ZNF385B: variants seen among roughly 807,000 people sequenced by gnomAD.
ZNF385B encodes zinc finger protein 533.
In ZNF385B, 23 loss-of-function variants were observed where a neutral mutation model predicts 39.2. The observed-to-expected ratio is 0.59, with a 90% CI of 0.42 to 0.83. The LOEUF is 0.83. Among genes scored for constraint, ZNF385B ranks in the 40% least tolerant of loss-of-function variants. ZNF385B has a pLI of 0.00. For missense variants in ZNF385B, 552 were observed against 598.9 expected (o/e 0.92, Z 0.82); for synonymous variants, 205 against 222.6 (o/e 0.92, Z 0.70).
At chr2:179,719,129 G>C (rs1328567234) in intron 3 of ZNF385B, among the ~76,000 whole-genome samples, 1 of 151,974 alleles carries the variant, frequency 6.6e-6, no homozygotes, top group African/African-American at 2.4e-5. Context: ...TGTTGCCCAT[G>C]GACAACCTAG....
In ZNF385B at chr2:179,592,169, C is replaced by T. The variant is rs901106073; in HGVS notation, c.299-47200G>A. Among the ~76,000 whole-genome samples the T allele has an allele frequency of 2.6e-5, 4 of 152,168 alleles. No individual in the cohort carries two copies. The East Asian group carries it at 7.7e-4, about 29-fold the overall frequency. On this transcript the variant is annotated intron_variant, in intron 3 of 9. Coordinates refer to ENST00000410066, the MANE Select transcript of ZNF385B (RefSeq NM_152520.6). ...CAGATTCTCTTTCCCTGCTCTTCTA[C>T]CCCTTTACACTGTCTTCCAGAAAAC...
In ZNF385B at chr2:179,537,758, CA is replaced by C. The variant is rs775747223; in HGVS notation, c.441+7068del. Among the ~76,000 whole-genome samples the C allele has an allele frequency of 1.9e-4, 19 of 99,794 alleles. 1 individual carries two copies. Among genetic ancestry groups the C allele is most frequent in the Admixed American group, 3.6e-4 (4 of 11,108 alleles). The allele number at this position is 99,794 out of a possible 152,430, so 65.5% of individuals were successfully genotyped here. A position where few individuals can be genotyped will look rare whatever the true frequency, so the allele number is the denominator to read the frequency against. ...TCTGTCTCAAAAACAAACAAACAAACAAACAAACAAAAAAAAAAATTAATAG... is the reference window on the plus strand; with the variant it reads ...TCTGTCTCAAAAACAAACAAACAAACAACAAACAAAAAAAAAAATTAATAG... On this transcript the variant is annotated intron_variant, in intron 4 of 9. Transcript: ENST00000410066.
chr2:179,687,500 C>T (rs1698013180), intron 3 of ZNF385B, among the ~76,000 whole-genome samples: 1 of 152,156 alleles, frequency 6.6e-6, no homozygotes, highest in Non-Finnish European at 1.5e-5. Flanking sequence ...GTAGGACCTA[C>T]CACACTGATT....
intron 3 of ZNF385B, among the ~76,000 whole-genome samples, chr2:179,734,282 T>G (rs1701596900): frequency 6.6e-6 from 1 of 152,190 alleles, no homozygotes; most frequent in Non-Finnish European, 1.5e-5. Context: ...TGCAAGTATA[T>G]CTGTTAACTA....
chr2:179,689,771 G>T (rs1698202817), intron 3 of ZNF385B, among the ~76,000 whole-genome samples: 1 of 146,086 alleles, frequency 6.8e-6, no homozygotes, highest in African/African-American at 2.5e-5. Flanking sequence ...AGAAGAGCGT[G>T]AGGGCAGGGG....
chr2:179,538,165 A>C (rs2059703266), intron 4 of ZNF385B, among the ~76,000 whole-genome samples: 1 of 152,208 alleles, frequency 6.6e-6, no homozygotes, highest in Non-Finnish European at 1.5e-5. Flanking sequence ...TAGTATCCTA[A>C]GAAATATGGA....
intron 6 of ZNF385B, among the ~76,000 whole-genome samples, chr2:179,462,323 A>G (rs1006000352): frequency 6.6e-6 from 1 of 152,198 alleles, no homozygotes; most frequent in African/African-American, 2.4e-5. Flanking sequence ...CAGTCAGAGT[A>G]CCTACTTTCT....
At chr2:179,654,979 T>C (rs1281973181) in intron 3 of ZNF385B, among the ~76,000 whole-genome samples, 1 of 152,194 alleles carries the variant, frequency 6.6e-6, no homozygotes, top group African/African-American at 2.4e-5. Context: ...CAATATATTT[T>C]ATTCCAAATG....
chr2:179,651,671 G>A (rs1457579419), intron 3 of ZNF385B, among the ~76,000 whole-genome samples: 1 of 152,046 alleles, frequency 6.6e-6, no homozygotes, highest in Non-Finnish European at 1.5e-5. Flanking sequence ...GACAGTCCCC[G>A]AGACTGATTT....
In ZNF385B at chr2:179,762,588, T is replaced by C. The variant is rs78119841; in HGVS notation, c.298+6915A>G. Among the ~76,000 whole-genome samples the C allele has an allele frequency of 3.7e-3, 568 of 152,360 alleles. 5 individuals are homozygous for C. The highest frequency in any genetic ancestry group is 0.013 in the African/African-American group (538 of 41,580). ...ATAATTCTTTTGATACATTGCTGGA[T>C]TCAATTTGCTCACATTTTGTTGATA... On this transcript the variant is annotated intron_variant, in intron 3 of 9. Coordinates refer to ENST00000410066, the MANE Select transcript of ZNF385B (RefSeq NM_152520.6).
At chr2:179,591,104 T>TACACACACACACACACAC (rs143269141) in intron 3 of ZNF385B, among the ~76,000 whole-genome samples, 4 of 149,824 alleles carry the variant, frequency 2.7e-5, no homozygotes, top group East Asian at 2.0e-4. Context: ...ATGATTCATT[T>TACACACACACACACACAC]ACACACACAC....
intron 3 of ZNF385B, among the ~76,000 whole-genome samples, chr2:179,673,224 G>A (rs1696280343): frequency 6.6e-6 from 1 of 152,136 alleles, no homozygotes; most frequent in South Asian, 2.1e-4. Flanking sequence ...AGAGCACCTG[G>A]AAGTAACTAA....
chr2:179,597,491 A>G (rs1030846578), intron 3 of ZNF385B, among the ~76,000 whole-genome samples: 1 of 152,234 alleles, frequency 6.6e-6, no homozygotes, highest in Non-Finnish European at 1.5e-5. Flanking sequence ...GACTGCATAT[A>G]CAAAGTTAAT....
At chr2:179,599,543 G>T (rs1688251191) in intron 3 of ZNF385B, among the ~76,000 whole-genome samples, 1 of 152,172 alleles carries the variant, frequency 6.6e-6, no homozygotes, top group Admixed American at 6.5e-5. Flanking sequence ...ATGTGGAACT[G>T]TTTTCTCTCC....
At chr2:179,529,538 A>C (rs1290437832) in intron 4 of ZNF385B, among the ~76,000 whole-genome samples, 2 of 152,212 alleles carry the variant, frequency 1.3e-5, no homozygotes, top group Non-Finnish European at 2.9e-5. Context: ...ATATTAGTAG[A>C]TGCCCTTTTG....
chr2:179,822,690 C>T (rs570220706), intron 1 of ZNF385B, among the ~76,000 whole-genome samples: 86 of 152,338 alleles, frequency 5.6e-4, no homozygotes, highest in African/African-American at 2.0e-3. Flanking sequence ...CAAACCTACA[C>T]ATCTCCCCCT....
At chr2:179,784,478 A>G (rs1208642448) in intron 1 of ZNF385B, among the ~76,000 whole-genome samples, 3 of 152,090 alleles carry the variant, frequency 2.0e-5, no homozygotes, top group Non-Finnish European at 1.5e-5. Context: ...TACAAACTAA[A>G]AAAAGAAAAA....
chr2:179,737,283 T>C (rs1701821990), intron 3 of ZNF385B, among the ~76,000 whole-genome samples: 1 of 152,142 alleles, frequency 6.6e-6, no homozygotes, highest in South Asian at 2.1e-4. Flanking sequence ...AACGAGAAAA[T>C]GTTACTTTTC....
At chr2:179,534,100 A>G (rs192619814) in intron 4 of ZNF385B, among the ~76,000 whole-genome samples, 8 of 152,328 alleles carry the variant, frequency 5.3e-5, no homozygotes, top group Non-Finnish European at 8.8e-5. Context: ...AGTATGCTCT[A>G]GCATTATCTC....
Sources: gnomAD v4.1 joint callset for allele counts (sites outside exome capture counted in the v4.1 genomes callset) on GRCh38, gnomAD v4.1.1 for gene constraint, MANE v1.5 for transcripts, NCBI Gene and HGNC (gene_info 2026-07-23, HGNC 2026-07-21) for gene names.